The following PCDH7 variants were observed in gnomAD, a reference collection of about 807,000 sequenced individuals.
PCDH7 encodes protocadherin 7.
PCDH7 carries 17 observed loss-of-function variants against 58.9 expected under a neutral mutation model. The ratio of observed to expected loss-of-function variants is 0.29; its 90% CI spans 0.20 to 0.43. The LOEUF is 0.43. PCDH7 is among the 20% of genes least tolerant of loss of function. The pLI, the probability that PCDH7 is intolerant of heterozygous loss-of-function variation, is 1.00. For missense variants in PCDH7, 1,274 were observed against 1,441.0 expected, an observed-to-expected ratio of 0.88 and a Z score of 1.88; for synonymous variants, 664 against 616.4, an observed-to-expected ratio of 1.08 and a Z score of -1.14.
intron 1 of PCDH7, chr4:30,868,998 G>T (rs1470913804): frequency 6.6e-6 from 1 of 152,090 alleles, no homozygotes; most frequent in African/African-American, 2.4e-5. Context: ...AACCAAAAAT[G>T]TTATCAAGCA....
chr4:31,079,452 T>C (rs1759315336), intron 3 of PCDH7, among the ~76,000 whole-genome samples: 1 of 149,698 alleles, frequency 6.7e-6, no homozygotes, highest in Non-Finnish European at 1.5e-5. Flanking sequence ...GCTCGATATC[T>C]CTAGTAACCA....
chr4:31,132,855 G>C (rs186462568), intron 3 of PCDH7, among the ~76,000 whole-genome samples: 64 of 152,148 alleles, frequency 4.2e-4, no homozygotes, highest in Non-Finnish European at 7.5e-4. Flanking sequence ...ATGGATTGTA[G>C]GAAAGAAGAC....
intron 3 of PCDH7, among the ~76,000 whole-genome samples, chr4:31,056,628 A>G (rs1480901218): frequency 1.3e-5 from 2 of 148,674 alleles, no homozygotes; most frequent in African/African-American, 2.5e-5. Context: ...AAAGACAGAG[A>G]GAGAGAGGAG....
At chr4:31,116,193 TCA>T (rs1209305004) in intron 3 of PCDH7, among the ~76,000 whole-genome samples, 2 of 152,178 alleles carry the variant, frequency 1.3e-5, no homozygotes, top group African/African-American at 4.8e-5. Context: ...GAAGCATCTC[TCA>T]GTCTTTGTTG....
Position 30,721,402 on chromosome 4 carries a change from T to G in PCDH7, c.-21T>G, listed in dbSNP as rs1291913460. The stretch of plus-strand genomic sequence containing the variant: ...AGGGGGCTGTGGTTAGAAGGAGCAG[T>G]AGCAGCAGCAGCAGGAGAAGATGCT... On this transcript the variant is annotated 5_prime_UTR_variant, in exon 1 of 2. Transcript: ENST00000361762. This position sits in a 1 kb window ranked among gnomAD's most constrained non-coding sequence, Gnocchi z 6.7. The G allele has an allele frequency of 1.4e-6, 2 of 1,472,138 alleles. No individual in the cohort carries two copies. Among genetic ancestry groups the G allele is most frequent in the Non-Finnish European group, 1.8e-6 (2 of 1,113,632 alleles). The allele number at this position is 1,472,138 out of a possible 1,614,324, so 91.2% of individuals were successfully genotyped here.
Position 30,835,233 on chromosome 4 carries a change from G to A in PCDH7, c.71-84920G>A, listed in dbSNP as rs140781786. On this transcript the variant is annotated intron_variant, in intron 1 of 3. Coordinates refer to the PCDH7 transcript ENST00000509759. ...ACAGGGATCCCAACCCCCGGGCCACGAACCGGTCCAGGTTCATGGCCTGTT... is the reference window on the plus strand; with the variant it reads ...ACAGGGATCCCAACCCCCGGGCCACAAACCGGTCCAGGTTCATGGCCTGTT... Among the ~76,000 whole-genome samples, 7 of 152,140 alleles carry A rather than the reference G, an allele frequency of 4.6e-5. No homozygotes were observed. In the East Asian group the frequency reaches 1.4e-3, roughly 30 times the overall value.
intron 3 of PCDH7, among the ~76,000 whole-genome samples, chr4:30,984,338 G>C (rs1389482514): frequency 6.6e-6 from 1 of 152,184 alleles, no homozygotes; most frequent in Non-Finnish European, 1.5e-5. Context: ...ATCTTTGTCA[G>C]CAGAGTGTTT....
At chr4:31,128,042 T>G in intron 3 of PCDH7, among the ~76,000 whole-genome samples, 2 of 151,550 alleles carry the variant, frequency 1.3e-5, no homozygotes, top group South Asian at 4.2e-4. Flanking sequence ...TATATATGTA[T>G]GCACATATGC....
intron 3 of PCDH7, among the ~76,000 whole-genome samples, chr4:31,063,070 G>A (rs139405643): frequency 3.3e-4 from 50 of 151,902 alleles, no homozygotes; most frequent in Admixed American, 1.4e-3. Flanking sequence ...AGAGAATGAA[G>A]TGTAAAATGA....
intron 1 of PCDH7, among the ~76,000 whole-genome samples, chr4:30,899,408 T>A (rs2109393006): frequency 6.6e-6 from 1 of 152,294 alleles, no homozygotes; most frequent in East Asian, 1.9e-4. Flanking sequence ...TCATCCCTTG[T>A]CTAATTTCCT....
chr4:30,853,851 A>G (rs929592296), intron 1 of PCDH7, among the ~76,000 whole-genome samples: 1 of 152,014 alleles, frequency 6.6e-6, no homozygotes, highest in Non-Finnish European at 1.5e-5. Flanking sequence ...TCCAAAGTCT[A>G]TTTTCCCTCT....
chr4:31,017,277 T>C (rs562844526), intron 3 of PCDH7, among the ~76,000 whole-genome samples: 29 of 152,334 alleles, frequency 1.9e-4, no homozygotes, highest in African/African-American at 6.7e-4. Context: ...TAATCCAAAA[T>C]TGAATTAAGT....
chr4:31,004,961 A>G (rs1752653639), intron 3 of PCDH7, among the ~76,000 whole-genome samples: 1 of 152,094 alleles, frequency 6.6e-6, no homozygotes, highest in East Asian at 1.9e-4. Flanking sequence ...AACACACACG[A>G]AAAAAACAAA....
intron 3 of PCDH7, among the ~76,000 whole-genome samples, chr4:31,073,367 C>T (rs1312896844): frequency 1.3e-5 from 2 of 152,130 alleles, no homozygotes; most frequent in Non-Finnish European, 2.9e-5. Flanking sequence ...ATGATGATAT[C>T]TTAGACCAAG....
Position 30,980,831 on chromosome 4 carries a change from T to C in PCDH7, c.*7+30616T>C, listed in dbSNP as rs7677156. 6.7e-3 allele frequency among the ~76,000 whole-genome samples: 1,024 copies of C among 152,248 alleles called. 11 individuals carry two copies. The highest frequency in any genetic ancestry group is 0.024 in the African/African-American group (982 of 41,572). Reference sequence around the variant, plus strand: ...ATTTGAATTTACCTATGAATCTCTTTAGTTATTTATTTAGTATTTTTTATT... The same window carrying C: ...ATTTGAATTTACCTATGAATCTCTTCAGTTATTTATTTAGTATTTTTTATT... On this transcript the variant is annotated intron_variant, in intron 3 of 3. Transcript: ENST00000509759.
intron 3 of PCDH7, among the ~76,000 whole-genome samples, chr4:31,067,578 T>C (rs1379529362): frequency 6.6e-6 from 1 of 151,510 alleles, no homozygotes; most frequent in Non-Finnish European, 1.5e-5. Flanking sequence ...CAAGGAGAAA[T>C]AGAGAAAGAG....
intron 1 of PCDH7, among the ~76,000 whole-genome samples, chr4:30,762,988 A>G (rs923413190): frequency 1.3e-5 from 2 of 152,204 alleles, no homozygotes; most frequent in African/African-American, 2.4e-5. Flanking sequence ...CATGCCTGCA[A>G]TACCAGCACT....
chr4:30,920,269 T>C, exon 2 of PCDH7: 2 of 1,366,636 alleles, frequency 1.5e-6, no homozygotes, highest in Non-Finnish European at 2.0e-6. Context: ...GCAGTAAGAG[T>C]TCATCAGGGC....
chr4:30,796,526 TCTG>T (rs1381575529), intron 1 of PCDH7, among the ~76,000 whole-genome samples: 3 of 152,222 alleles, frequency 2.0e-5, no homozygotes, highest in African/African-American at 7.2e-5. Context: ...GCTTAGTTGA[TCTG>T]ATATTACAGT....
Sources: allele counts gnomAD v4.1 joint callset (sites outside exome capture counted in the v4.1 genomes callset), GRCh38; gene constraint gnomAD v4.1.1; non-coding constraint Gnocchi (gnomAD v3.1); transcripts MANE v1.5; gene names NCBI Gene and HGNC (gene_info 2026-07-23, HGNC 2026-07-21).